MRPL3: variants seen among roughly 807,000 people sequenced by gnomAD.
MRPL3 encodes mitochondrial ribosomal protein L3.
A neutral mutation model predicts 44.3 loss-of-function variants in MRPL3; 43 were observed. That is an observed-to-expected ratio of 0.97 (90% CI 0.76 to 1.25). The LOEUF is 1.25. Ranked by LOEUF, MRPL3 falls within the 50% of genes most tolerant of loss-of-function variation. The probability of loss-of-function intolerance (pLI) is 0.00; values close to 1 mark genes in which losing one functional copy is unlikely to be tolerated. For missense variants in MRPL3, 406 were observed against 427.6 expected (o/e 0.95, Z 0.45); for synonymous variants, 171 against 152.3 (o/e 1.12, Z -0.91).
At chr3:131,482,464 G>A (rs1040438136) in intron 6 of MRPL3, among the ~76,000 whole-genome samples, 3 of 150,866 alleles carry the variant, frequency 2.0e-5, no homozygotes, top group African/African-American at 7.3e-5. Flanking sequence ...GCAGTGAGCC[G>A]AGATCGTGCC....
At chr3:131,486,685 T>C (rs1934133505) in intron 6 of MRPL3, among the ~76,000 whole-genome samples, 1 of 151,920 alleles carries the variant, frequency 6.6e-6, no homozygotes, top group African/African-American at 2.4e-5. Context: ...AAGACAACTA[T>C]GCAGCCAACA....
chr3:131,491,294 T>G (rs1308232896), intron 4 of MRPL3, among the ~76,000 whole-genome samples: 3 of 152,140 alleles, frequency 2.0e-5, no homozygotes, highest in Non-Finnish European at 4.4e-5. Flanking sequence ...GATACTCATT[T>G]TACTGAATCT....
chr3:131,470,655 A>ACAT (rs1452237030), intron 7 of MRPL3, among the ~76,000 whole-genome samples: 1 of 152,014 alleles, frequency 6.6e-6, no homozygotes, highest in African/African-American at 2.4e-5. Context: ...TCTGTGTGCT[A>ACAT]CATTTTTTCC....
At position 131,498,217 on chromosome 3, in the gene MRPL3, T is replaced by G; in HGVS notation, c.430A>C (p.Thr144Pro). 2 of 1,612,348 alleles carry G rather than the reference T, an allele frequency of 1.2e-6. No homozygotes were observed. The highest frequency in any genetic ancestry group is 3.3e-5 in the Admixed American group (2 of 59,994). ...ACAGTTTTTCCTCCTACAGACAGGGTTGCCATTTTTCCATTACAGTTTTCC... is the reference window on the plus strand; with the variant it reads ...ACAGTTTTTCCTCCTACAGACAGGGGTGCCATTTTTCCATTACAGTTTTCC... Reference protein sequence around the residue: ...SKENCNGKMATLSVGGKTVSR... With the variant: ...SKENCNGKMAPLSVGGKTVSR... The change falls in exon 4 of 10, where the codon ACC becomes CCC. Residue 144 changes from threonine to proline, a missense_variant. Coordinates refer to ENST00000264995, the MANE Select transcript of MRPL3 (RefSeq NM_007208.4).
At chr3:131,478,643 C>T (rs934265032) in intron 6 of MRPL3, among the ~76,000 whole-genome samples, 1 of 152,010 alleles carries the variant, frequency 6.6e-6, no homozygotes, top group Non-Finnish European at 1.5e-5. Flanking sequence ...GTCTATCTTC[C>T]CACTATTGTC....
chr3:131,478,015 G>A (rs777764059), intron 6 of MRPL3, among the ~76,000 whole-genome samples: 2 of 152,156 alleles, frequency 1.3e-5, no homozygotes, highest in East Asian at 3.9e-4. Context: ...CTGGCCGTAT[G>A]TTTTTGTAAA....
intron 3 of MRPL3, among the ~76,000 whole-genome samples, chr3:131,499,686 T>G (rs1934450942): frequency 6.6e-6 from 1 of 152,134 alleles, no homozygotes; most frequent in Non-Finnish European, 1.5e-5. Flanking sequence ...ACTGAGTTGT[T>G]CAAAGTGATT....
At chr3:131,471,120 T>C (rs758369531) in intron 7 of MRPL3, 51 bp downstream of exon 7, 2 of 1,273,976 alleles carry the variant, frequency 1.6e-6, no homozygotes, top group Non-Finnish European at 2.3e-6. Flanking sequence ...GGACTACATG[T>C]GCAGAAGTTG....
chr3:131,475,159 G>GTGT (rs1430167356), intron 6 of MRPL3, among the ~76,000 whole-genome samples: 2 of 151,920 alleles, frequency 1.3e-5, no homozygotes, highest in Admixed American at 1.3e-4. Context: ...TTTTAACAGA[G>GTGT]TGTTCCCTAA....
chr3:131,469,232 A>G (rs536030728), intron 8 of MRPL3, among the ~76,000 whole-genome samples: 20 of 145,158 alleles, frequency 1.4e-4, no homozygotes, highest in Admixed American at 4.1e-4. Flanking sequence ...ACACACACAC[A>G]CGCACACACA....
chr3:131,489,413 T>G (rs1934199274), intron 5 of MRPL3, among the ~76,000 whole-genome samples: 1 of 152,146 alleles, frequency 6.6e-6, no homozygotes, highest in Non-Finnish European at 1.5e-5. Flanking sequence ...AGCATTCTAC[T>G]GTCTTCTTGT....
At chr3:131,489,869 G>T in intron 5 of MRPL3, 112 bp downstream of exon 5, 7 of 525,348 alleles carry the variant, frequency 1.3e-5, no homozygotes, top group Admixed American at 9.6e-5. Context: ...GTATTTAAAA[G>T]TAAGTGTTTG....
chr3:131,498,414 A>G (rs944346136), intron 3 of MRPL3, 137 bp from the exon 4 acceptor site: 9 of 533,512 alleles, frequency 1.7e-5, no homozygotes, highest in Non-Finnish European at 2.9e-5. Flanking sequence ...CACCAACCAC[A>G]ATCTTAAAAA....
intron 6 of MRPL3, among the ~76,000 whole-genome samples, chr3:131,477,821 T>G (rs1933889363): frequency 6.6e-6 from 1 of 152,226 alleles, no homozygotes; most frequent in African/African-American, 2.4e-5. Context: ...CTATAGGATC[T>G]TTTAAAATAG....
intron 9 of MRPL3, 75 bp downstream of exon 9, chr3:131,468,016 A>G: frequency 1.3e-6 from 1 of 761,558 alleles, no homozygotes. Context: ...ATAGAAAATA[A>G]AGATAGTAAT....
At chr3:131,498,450 A>G (rs1169005867) in intron 3 of MRPL3, among the ~76,000 whole-genome samples, 173 bp from the exon 4 acceptor site, 1 of 151,920 alleles carries the variant, frequency 6.6e-6, no homozygotes, top group Non-Finnish European at 1.5e-5. Flanking sequence ...AAAAGATTAA[A>G]TACACACTTT....
chr3:131,480,321 C>A (rs1933954209), intron 6 of MRPL3, among the ~76,000 whole-genome samples: 1 of 152,152 alleles, frequency 6.6e-6, no homozygotes, highest in South Asian at 2.1e-4. Context: ...AGGTGCTGAG[C>A]CCACAAGTCA....
intron 4 of MRPL3, among the ~76,000 whole-genome samples, chr3:131,494,964 C>T (rs1016841150): frequency 1.3e-5 from 2 of 152,108 alleles, no homozygotes; most frequent in African/African-American, 4.8e-5. Context: ...GCCTCTCCTC[C>T]TAAGATGAAT....
chr3:131,466,837 T>C (rs763654092), intron 9 of MRPL3, among the ~76,000 whole-genome samples: 6 of 152,102 alleles, frequency 3.9e-5, no homozygotes, highest in Non-Finnish European at 5.9e-5. Flanking sequence ...TATCATTTCT[T>C]TTATGGTGAT....
Sources: gnomAD v4.1 joint callset for allele counts (sites outside exome capture counted in the v4.1 genomes callset) on GRCh38, gnomAD v4.1.1 for gene constraint, MANE v1.5 for transcripts, NCBI Gene and HGNC (gene_info 2026-07-23, HGNC 2026-07-21) for gene names.